Variants in CAMK2D observed in about 807,000 individuals in gnomAD.
CAMK2D encodes the protein calcium/calmodulin dependent protein kinase II delta, also known as calcium/calmodulin-dependent protein kinase type II subunit delta.
In CAMK2D, 37 loss-of-function variants were observed where a neutral mutation model predicts 84.0. That is an observed-to-expected ratio of 0.44 (90% CI 0.34 to 0.58). The LOEUF (loss-of-function observed/expected upper bound fraction) is 0.58, where lower values mean the gene tolerates loss of function less well. CAMK2D is among the 20% of genes least tolerant of loss of function. CAMK2D has a pLI of 0.02. For synonymous variants in CAMK2D, 202 were observed against 212.5 expected, an observed-to-expected ratio of 0.95 and a Z score of 0.43; for missense variants, 448 against 652.5, an observed-to-expected ratio of 0.69 and a Z score of 3.41.
chr4:113,620,602 G>C (rs2154276805), intron 3 of CAMK2D, among the ~76,000 whole-genome samples: 1 of 151,526 alleles, frequency 6.6e-6, no homozygotes, highest in South Asian at 2.1e-4. Context: ...CCGCCTCCCA[G>C]GTTCAAGCAA....
intron 3 of CAMK2D, among the ~76,000 whole-genome samples, chr4:113,631,853 C>T (rs2154287299): frequency 6.6e-6 from 1 of 152,176 alleles, no homozygotes; most frequent in East Asian, 1.9e-4. Context: ...GATGAGCATG[C>T]TTTACTACTA....
At chr4:113,705,069 C>T (rs1413926265) in intron 2 of CAMK2D, among the ~76,000 whole-genome samples, 4 of 151,234 alleles carry the variant, frequency 2.6e-5, no homozygotes, top group South Asian at 2.1e-4. Context: ...CGGCCAGGCA[C>T]GGTGGCTCAC....
At chr4:113,523,389 CT>C (rs199760388) in intron 8 of CAMK2D, among the ~76,000 whole-genome samples, 59 of 147,034 alleles carry the variant, frequency 4.0e-4, no homozygotes, top group Admixed American at 8.1e-4. Context: ...CTCAGTGAAT[CT>C]TTTTTTTTTT....
Position 113,743,162 on chromosome 4 carries a change from C to T in CAMK2D, c.160+16158G>A, listed in dbSNP as rs150117961. 2.2e-3 allele frequency among the ~76,000 whole-genome samples: 329 copies of T among 152,248 alleles called. 2 individuals are homozygous for T. Among genetic ancestry groups the T allele is most frequent in the Non-Finnish European group, 3.9e-3 (262 of 68,014 alleles). ...TCTAACTGCCTCCCTCACCTCATCT[C>T]TCTGCTAGATGCAACTTGGAAGGAA... On this transcript the variant is annotated intron_variant, in intron 2 of 20. Transcript: ENST00000511664.
At chr4:113,716,857 T>C (rs950393671) in intron 2 of CAMK2D, among the ~76,000 whole-genome samples, 7 of 152,160 alleles carry the variant, frequency 4.6e-5, no homozygotes, top group Non-Finnish European at 1.0e-4. Context: ...TACAAATTCA[T>C]GTTTGGTGCC....
In CAMK2D at chr4:113,568,701, T is replaced by C. The variant is rs553499168; in HGVS notation, c.276-16605A>G. Among the ~76,000 whole-genome samples, 20 of 152,344 alleles carry C rather than the reference T, an allele frequency of 1.3e-4. No individual in the cohort carries two copies. In the South Asian group the frequency reaches 3.9e-3, roughly 30 times the overall value. On this transcript the variant is annotated intron_variant, in intron 4 of 20. Transcript: ENST00000511664. ...TTTACATTCCCACCAGCAACCTACA[T>C]GAGTTCCAACTTCTCTATATCCTGG...
intron 2 of CAMK2D, among the ~76,000 whole-genome samples, chr4:113,745,201 T>C (rs2099601620): frequency 6.6e-6 from 1 of 152,210 alleles, no homozygotes; most frequent in East Asian, 1.9e-4. Context: ...GTTTTTAACC[T>C]TTTCTTTCCT....
At chr4:113,715,902 C>A (rs73842206) in intron 2 of CAMK2D, among the ~76,000 whole-genome samples, 2,213 of 152,206 alleles carry the variant, frequency 0.015, 54 homozygotes, top group African/African-American at 0.051. Flanking sequence ...ACCTAGAGAA[C>A]CATTACTCCC....
chr4:113,563,316 G>A (rs2098707297), intron 4 of CAMK2D, among the ~76,000 whole-genome samples: 1 of 152,094 alleles, frequency 6.6e-6, no homozygotes, highest in South Asian at 2.1e-4. Context: ...AGTATTTGTA[G>A]GCATCATTAC....
At chr4:113,474,154 C>T (rs926114705) in intron 16 of CAMK2D, among the ~76,000 whole-genome samples, 4 of 152,106 alleles carry the variant, frequency 2.6e-5, no homozygotes, top group Non-Finnish European at 1.5e-5. Flanking sequence ...ATTGTGAATA[C>T]CATTGAGTAT....
intron 2 of CAMK2D, among the ~76,000 whole-genome samples, chr4:113,670,508 G>C (rs980067795): frequency 6.6e-6 from 1 of 151,696 alleles, no homozygotes; most frequent in African/African-American, 2.4e-5. Context: ...TACTATTATA[G>C]AGGACTGATG....
intron 2 of CAMK2D, among the ~76,000 whole-genome samples, chr4:113,719,971 C>G (rs2099525335): frequency 6.6e-6 from 1 of 152,022 alleles, no homozygotes; most frequent in African/African-American, 2.4e-5. Flanking sequence ...CTCCTATAAC[C>G]AGAGGTGATT....
At chr4:113,493,539 A>T (rs2097877147) in intron 16 of CAMK2D, among the ~76,000 whole-genome samples, 1 of 152,074 alleles carries the variant, frequency 6.6e-6, no homozygotes, top group Admixed American at 6.5e-5. Context: ...CTTCCCTTTG[A>T]GGGTGACCCG....
intron 2 of CAMK2D, among the ~76,000 whole-genome samples, chr4:113,701,222 A>G (rs1249462610): frequency 6.6e-6 from 1 of 152,192 alleles, no homozygotes; most frequent in Non-Finnish European, 1.5e-5. Context: ...TATCATTTCA[A>G]ACGTAGACAC....
intron 2 of CAMK2D, among the ~76,000 whole-genome samples, chr4:113,732,708 A>C (rs780763382): frequency 3.5e-4 from 54 of 152,180 alleles, no homozygotes; most frequent in Non-Finnish European, 5.9e-5. Context: ...AAGTCATCAA[A>C]GAAATGTGAC....
chr4:113,582,882 G>T (rs1036356375), intron 4 of CAMK2D, among the ~76,000 whole-genome samples: 1 of 152,236 alleles, frequency 6.6e-6, no homozygotes, highest in Non-Finnish European at 1.5e-5. Flanking sequence ...TGCCAGTGGA[G>T]GGGTGGAAAT....
At chr4:113,612,189 T>G (rs1464853521) in intron 3 of CAMK2D, among the ~76,000 whole-genome samples, 3 of 152,192 alleles carry the variant, frequency 2.0e-5, no homozygotes, top group Non-Finnish European at 2.9e-5. Context: ...GTTTAACTCT[T>G]CAACTATTAT....
chr4:113,480,073 T>A (rs2097682209), intron 16 of CAMK2D, among the ~76,000 whole-genome samples: 1 of 152,100 alleles, frequency 6.6e-6, no homozygotes, highest in African/African-American at 2.4e-5. Context: ...GCAATTCTCC[T>A]GCCTCAGCCT....
chr4:113,549,714 A>G (rs555675258), intron 5 of CAMK2D, among the ~76,000 whole-genome samples: 1 of 152,220 alleles, frequency 6.6e-6, no homozygotes, highest in Non-Finnish European at 1.5e-5. Context: ...GATGAAGCAA[A>G]CATTTTAATA....
Sources: allele counts gnomAD v4.1 joint callset (sites outside exome capture counted in the v4.1 genomes callset), GRCh38; gene constraint gnomAD v4.1.1; transcripts MANE v1.5; gene names NCBI Gene and HGNC (gene_info 2026-07-23, HGNC 2026-07-21).